VWA3A: variants seen among roughly 807,000 people sequenced by gnomAD.
VWA3A encodes von Willebrand factor A domain containing 3A, also known as von Willebrand factor A domain-containing protein 3A.
VWA3A carries 134 observed loss-of-function variants against 160.4 expected under a neutral mutation model. That is an observed-to-expected ratio of 0.84 (90% CI 0.73 to 0.96). The LOEUF is 0.96. Ranked by LOEUF, VWA3A falls within the 40% of genes least tolerant of loss-of-function variation. VWA3A has a pLI of 0.00. For missense variants in VWA3A, 1,310 were observed against 1,447.9 expected (o/e 0.90, Z 1.55); for synonymous variants, 476 against 543.4 (o/e 0.88, Z 1.72).
rs771656105 is a variant in VWA3A, at chr16:22,121,040, A to G, written c.1189A>G (p.Thr397Ala). The stretch of plus-strand genomic sequence containing the variant: ...ACCCCCAAAGCATGACGCTCCTCTC[A>G]CCATTGAGTTTCCAAACTTGGACAA... ...PKPPKHDAPL[T>A]IEFPNLDKTS... The change falls in exon 13 of 34, where the codon ACC becomes GCC. Residue 397 changes from threonine to alanine, a missense_variant. Thr to Ala is a moderately conservative substitution (Grantham distance 58). Transcript: ENST00000389398. 2 of 1,613,862 alleles carry G rather than the reference A, an allele frequency of 1.2e-6. No homozygotes were observed. The highest frequency in any genetic ancestry group is 2.2e-5 in the South Asian group (2 of 91,072).
intron 3 of VWA3A, among the ~76,000 whole-genome samples, chr16:22,099,184 C>T (rs1327162657): frequency 6.6e-6 from 1 of 151,962 alleles, no homozygotes; most frequent in Non-Finnish European, 1.5e-5. Context: ...ATCTAGTGTC[C>T]ATGTGATAGA....
rs767312345 is a variant in VWA3A at position 22,149,832 on chromosome 16, C to T, written c.3030C>T (p.Asp1010=). The T allele has an allele frequency of 1.9e-6, 3 of 1,560,822 alleles. No individual in the cohort carries two copies. The highest frequency in any genetic ancestry group is 2.6e-6 in the Non-Finnish European group (3 of 1,156,848). ...CAGAGAGCTTTCAGTCATGGCAGGA[C>T]ACGCTGGTGGAGACCACAGATGCAG... ...SFAESFQSWQ[D]TLVETTDAAC... The change falls in exon 29 of 34, where the codon GAC becomes GAT. Residue 1010 remains aspartate, a synonymous_variant. Transcript: ENST00000389398.
intron 30 of VWA3A, among the ~76,000 whole-genome samples, chr16:22,151,643 G>T (rs1054632267): frequency 7.9e-5 from 12 of 151,938 alleles, no homozygotes; most frequent in Non-Finnish European, 5.9e-5. Flanking sequence ...AGACTGAGGT[G>T]GGAGGATCAC....
chr16:22,138,635 C>A (rs1228258110), intron 22 of VWA3A, 123 bp downstream of exon 22: 1 of 1,300,446 alleles, frequency 7.7e-7, no homozygotes, highest in Admixed American at 2.5e-5. Flanking sequence ...TGGTGAGTGT[C>A]CTGTGGGTGC....
chr16:22,109,145 TA>T (rs993913163), intron 6 of VWA3A, among the ~76,000 whole-genome samples: 1 of 152,204 alleles, frequency 6.6e-6, no homozygotes, highest in African/African-American at 2.4e-5. Context: ...TAAGCTAATA[TA>T]AATAGCCATC....
rs540102702 is a variant in VWA3A, at chr16:22,097,465, A to G, written c.102-107A>G. Reference sequence around the variant, plus strand: ...TCCTTCTCAGTTACTGCACAGAAAAATGTTTCTAGAATCCTTGTAGGGACT... The same window carrying G: ...TCCTTCTCAGTTACTGCACAGAAAAGTGTTTCTAGAATCCTTGTAGGGACT... On this transcript the variant is annotated intron_variant, in intron 2 of 33. Transcript: ENST00000389398. 7.8e-6 allele frequency: 11 copies of G among 1,414,030 alleles called. No individual in the cohort carries two copies. The East Asian group carries it at 2.3e-4, about 29-fold the overall frequency. 87.6% of individuals were successfully genotyped at this position (1,414,030 alleles called of 1,614,324 possible).
At chr16:22,130,771 T>G (rs2045932953) in intron 17 of VWA3A, among the ~76,000 whole-genome samples, 1 of 152,010 alleles carries the variant, frequency 6.6e-6, no homozygotes. Context: ...ACCCAGCTAA[T>G]TTTTTTTATT....
chr16:22,128,430 T>C (rs2045889981), intron 17 of VWA3A, among the ~76,000 whole-genome samples: 1 of 152,024 alleles, frequency 6.6e-6, no homozygotes, highest in South Asian at 2.1e-4. Flanking sequence ...AGTCAAAAAA[T>C]AACAGGTGCT....
intron 1 of VWA3A, among the ~76,000 whole-genome samples, chr16:22,094,969 A>C (rs1340838151): frequency 1.4e-5 from 2 of 147,406 alleles, no homozygotes; most frequent in Non-Finnish European, 3.0e-5. Context: ...CTCCGTCTCA[A>C]AAAAAAAAAA....
intron 11 of VWA3A, among the ~76,000 whole-genome samples, chr16:22,117,890 T>C (rs2045672823): frequency 6.6e-6 from 1 of 152,168 alleles, no homozygotes; most frequent in Admixed American, 6.5e-5. Flanking sequence ...TGATACCTCA[T>C]CATCTAGACT....
chr16:22,119,284 C>T (rs1217787646), intron 12 of VWA3A, among the ~76,000 whole-genome samples: 1 of 152,188 alleles, frequency 6.6e-6, no homozygotes, highest in African/African-American at 2.4e-5. Context: ...CCAGCAGGCT[C>T]CTGCCACCCT....
chr16:22,145,467 C>A (rs1230930039), intron 26 of VWA3A, among the ~76,000 whole-genome samples: 1 of 152,046 alleles, frequency 6.6e-6, no homozygotes, highest in Non-Finnish European at 1.5e-5. Context: ...AGTGAAACCC[C>A]GTCTCTACTG....
chr16:22,110,204 A>G (rs768527583), intron 7 of VWA3A, among the ~76,000 whole-genome samples: 2 of 152,202 alleles, frequency 1.3e-5, no homozygotes, highest in Admixed American at 6.5e-5. Flanking sequence ...ATAAGGGTAA[A>G]AGGAGCTTGT....
At chr16:22,148,431 G>C in intron 28 of VWA3A, 125 bp downstream of exon 28, 1 of 1,320,512 alleles carries the variant, frequency 7.6e-7, no homozygotes, top group South Asian at 1.5e-5. Flanking sequence ...TGAGTAACGC[G>C]TTTGAGTAGG....
rs930365195 is a variant in VWA3A at position 22,141,544 on chromosome 16, A to G, written c.2384-38A>G. ...CTGGACAGCTGTATTGCAAGAATGCATGCAGCTGCTCCAGCCAACAAGCCA... is the reference window on the plus strand; with the variant it reads ...CTGGACAGCTGTATTGCAAGAATGCGTGCAGCTGCTCCAGCCAACAAGCCA... On this transcript the variant is annotated intron_variant, in intron 23 of 33. Transcript: ENST00000389398. 6.4e-6 allele frequency: 10 copies of G among 1,563,066 alleles called. No individual in the cohort carries two copies. In the Admixed American group the frequency reaches 1.3e-4, roughly 20 times the overall value.
intron 6 of VWA3A, among the ~76,000 whole-genome samples, chr16:22,108,525 A>C (rs560500571): frequency 6.6e-6 from 1 of 152,252 alleles, no homozygotes; most frequent in African/African-American, 2.4e-5. Context: ...TTGTTTTCTC[A>C]GCAAAATTGG....
chr16:22,119,110 G>C (rs1598064654), intron 12 of VWA3A, 83 bp downstream of exon 12: 1 of 1,478,050 alleles, frequency 6.8e-7, no homozygotes, highest in Non-Finnish European at 9.0e-7. Context: ...CTGTTCATAG[G>C]GGGCACAGCT....
chr16:22,119,846 C>T (rs1241872646), intron 12 of VWA3A, among the ~76,000 whole-genome samples: 4 of 151,862 alleles, frequency 2.6e-5, no homozygotes, highest in South Asian at 4.2e-4. Flanking sequence ...GGTGAAACCT[C>T]GTCTCTACTA....
chr16:22,152,834 G>C (rs548638389), intron 31 of VWA3A, among the ~76,000 whole-genome samples, 200 bp downstream of exon 31: 2 of 152,126 alleles, frequency 1.3e-5, no homozygotes, highest in Non-Finnish European at 2.9e-5. Flanking sequence ...GCTTTTCGTT[G>C]AGACAAAATA....
Sources: gnomAD v4.1 joint callset for allele counts (sites outside exome capture counted in the v4.1 genomes callset) on GRCh38, gnomAD v4.1.1 for gene constraint, MANE v1.5 for transcripts, NCBI Gene and HGNC (gene_info 2026-07-23, HGNC 2026-07-21) for gene names.